Variants in CDH12 observed in about 807,000 individuals in gnomAD.
CDH12 encodes cadherin 12.
A neutral mutation model predicts 74.1 loss-of-function variants in CDH12; 41 were observed. The ratio of observed to expected loss-of-function variants is 0.55; its 90% CI spans 0.43 to 0.72. The LOEUF (loss-of-function observed/expected upper bound fraction) is 0.72, where lower values mean the gene tolerates loss of function less well. Among genes scored for constraint, CDH12 ranks in the 30% least tolerant of loss-of-function variants. The pLI is 0.00. For synonymous variants in CDH12, 399 were observed against 355.0 expected, an observed-to-expected ratio of 1.12 and a Z score of -1.39; for missense variants, 945 against 977.2, an observed-to-expected ratio of 0.97 and a Z score of 0.44.
intron 8 of CDH12, among the ~76,000 whole-genome samples, chr5:21,833,423 T>A (rs1165561330): frequency 9.3e-6 from 1 of 107,914 alleles, no homozygotes; most frequent in Non-Finnish European, 1.7e-5. Flanking sequence ...TATACATTAT[T>A]ATATATTATT....
chr5:22,746,275 A>AGGTT (rs1192183797), intron 1 of CDH12, among the ~76,000 whole-genome samples: 1 of 152,128 alleles, frequency 6.6e-6, no homozygotes, highest in East Asian at 1.9e-4. Flanking sequence ...GGCTGTTTGG[A>AGGTT]GGTTTCCAAT....
intron 6 of CDH12, among the ~76,000 whole-genome samples, chr5:21,929,213 A>AG (rs572448310): frequency 2.2e-3 from 333 of 152,052 alleles, no homozygotes; most frequent in Non-Finnish European, 3.5e-3. Context: ...TGGTGGGTGG[A>AG]GGGGGATGGT....
At chr5:22,087,889 G>A (rs920554533) in intron 4 of CDH12, among the ~76,000 whole-genome samples, 3 of 152,172 alleles carry the variant, frequency 2.0e-5, no homozygotes, top group African/African-American at 7.2e-5. Context: ...GCCACCCACT[G>A]GGGATTGATG....
At chr5:21,880,535 T>TCC (rs1752208135) in intron 6 of CDH12, among the ~76,000 whole-genome samples, 1 of 31,300 alleles carries the variant, frequency 3.2e-5, no homozygotes, top group Non-Finnish European at 1.0e-4. Context: ...TCTTCCTTCT[T>TCC]TTCCTTCCTT....
chr5:22,081,064 C>T (rs1423628172), intron 4 of CDH12, among the ~76,000 whole-genome samples: 1 of 152,138 alleles, frequency 6.6e-6, no homozygotes, highest in African/African-American at 2.4e-5. Context: ...CAGGCGTGAG[C>T]CACCTCGCTT....
At chr5:22,610,954 T>G (rs1180604750) in intron 1 of CDH12, among the ~76,000 whole-genome samples, 1 of 152,096 alleles carries the variant, frequency 6.6e-6, no homozygotes, top group East Asian at 1.9e-4. Flanking sequence ...TTGCCCAACA[T>G]GACACTGAAT....
chr5:22,189,704 C>A (rs1580378021), intron 4 of CDH12, among the ~76,000 whole-genome samples: 1 of 152,044 alleles, frequency 6.6e-6, no homozygotes, highest in East Asian at 1.9e-4. Flanking sequence ...ATAGCATTAT[C>A]CACTAGTGAA....
At position 22,666,300 on chromosome 5, in the gene CDH12, TTG is replaced by T. The variant is rs1491139795; in HGVS notation, c.-522-160938_-522-160937del. On this transcript the variant is annotated intron_variant, in intron 1 of 14. Coordinates refer to ENST00000382254, the MANE Select transcript of CDH12 (RefSeq NM_004061.5). ...TCTCTATCTTTTTTTTTTTTTTTTT[TTG>T]TTTTTGAGACGGAGTCTGTCTCTGA... Among the ~76,000 whole-genome samples the T allele has an allele frequency of 9.6e-3, 941 of 97,862 alleles. 69 individuals carry two copies. Among genetic ancestry groups the T allele is most frequent in the African/African-American group, 0.028 (743 of 26,312 alleles). 64.2% of individuals were successfully genotyped at this position (97,862 alleles called of 152,430 possible). A position where few individuals can be genotyped will look rare whatever the true frequency, so the allele number is the denominator to read the frequency against.
intron 2 of CDH12, among the ~76,000 whole-genome samples, chr5:22,488,733 C>A (rs1461103259): frequency 6.6e-6 from 1 of 152,072 alleles, no homozygotes; most frequent in Non-Finnish European, 1.5e-5. Context: ...TCAAGCTAGC[C>A]CATCCTAAAC....
intron 2 of CDH12, among the ~76,000 whole-genome samples, chr5:22,428,887 C>G (rs1217965219): frequency 6.6e-6 from 1 of 152,182 alleles, no homozygotes; most frequent in Non-Finnish European, 1.5e-5. Flanking sequence ...TTCCCGATGA[C>G]CTCAAATCAA....
At chr5:22,694,137 G>A (rs1407559962) in intron 1 of CDH12, among the ~76,000 whole-genome samples, 1 of 151,832 alleles carries the variant, frequency 6.6e-6, no homozygotes, top group African/African-American at 2.4e-5. Flanking sequence ...ATGGGGTCTT[G>A]CTTGGTTGCC....
At chr5:22,802,119 ATTTTTT>A in intron 1 of CDH12, among the ~76,000 whole-genome samples, 1 of 123,548 alleles carries the variant, frequency 8.1e-6, no homozygotes, top group South Asian at 2.6e-4. Flanking sequence ...TTAAATTCGT[ATTTTTT>A]TTTTTTTTTT....
At chr5:21,929,485 C>G (rs1754740176) in intron 6 of CDH12, among the ~76,000 whole-genome samples, 1 of 151,820 alleles carries the variant, frequency 6.6e-6, no homozygotes, top group East Asian at 1.9e-4. Flanking sequence ...CTATGAGAAT[C>G]TAATGCTACC....
chr5:22,683,636 C>T (rs370996293), intron 1 of CDH12, among the ~76,000 whole-genome samples: 7 of 152,178 alleles, frequency 4.6e-5, no homozygotes, highest in African/African-American at 1.4e-4. Context: ...GAGCTAAGTG[C>T]CTAAAATAAA....
intron 3 of CDH12, among the ~76,000 whole-genome samples, chr5:22,243,982 T>C (rs1167888141): frequency 6.6e-6 from 1 of 152,198 alleles, no homozygotes; most frequent in African/African-American, 2.4e-5. Context: ...ATAAATTAAA[T>C]TGGGATCTTA....
intron 5 of CDH12, among the ~76,000 whole-genome samples, chr5:22,074,530 T>G (rs918982059): frequency 8.5e-5 from 13 of 152,078 alleles, no homozygotes; most frequent in Non-Finnish European, 1.9e-4. Flanking sequence ...ACAGACAACC[T>G]ACAGAATGGG....
At chr5:22,066,551 C>T (rs1315624284) in intron 5 of CDH12, among the ~76,000 whole-genome samples, 1 of 152,148 alleles carries the variant, frequency 6.6e-6, no homozygotes, top group Non-Finnish European at 1.5e-5. Flanking sequence ...GGCTCCTCAA[C>T]CCATTCTGTG....
Position 21,854,739 on chromosome 5 carries a change from C to A in CDH12, c.578G>T (p.Gly193Val). 1 of 1,609,508 alleles carries A rather than the reference C, an allele frequency of 6.2e-7. No individual in the cohort carries two copies. The highest frequency in any genetic ancestry group is 1.7e-4 in the Middle Eastern group (1 of 6,034). ...GCTGTAAACGACTCTGGCACTGTTT[C>A]CATAGGTCGGGTCATCTGCATCTGT... is the stretch of plus-strand genomic sequence containing the variant. ...KATDADDPTY[G>V]NSARVVYSIL... The change falls in exon 7 of 15, where the codon GGA becomes GTA. Residue 193 changes from glycine to valine, a missense_variant. Around this residue, in one of 3 missense-constraint regions of CDH12, gnomAD observed 791 missense variants for 792.8 expected, o/e 1.00. Coordinates refer to ENST00000382254, the MANE Select transcript of CDH12 (RefSeq NM_004061.5).
intron 11 of CDH12, among the ~76,000 whole-genome samples, chr5:21,768,841 C>T (rs1302601182): frequency 6.6e-6 from 1 of 152,004 alleles, no homozygotes; most frequent in Non-Finnish European, 1.5e-5. Context: ...AAATCACTGA[C>T]TATTGTTTCT....
Sources: gnomAD v4.1 joint callset for allele counts (sites outside exome capture counted in the v4.1 genomes callset) on GRCh38, gnomAD v4.1.1 for gene constraint, gnomAD v4.1.1 regional missense constraint, MANE v1.5 for transcripts, NCBI Gene and HGNC (gene_info 2026-07-23, HGNC 2026-07-21) for gene names.